Variants in AGBL4 observed in about 807,000 individuals in gnomAD.
The protein encoded by AGBL4 is AGBL carboxypeptidase 4.
AGBL4 carries 58 observed loss-of-function variants against 66.4 expected under a neutral mutation model. The ratio of observed to expected loss-of-function variants is 0.87; its 90% confidence interval spans 0.71 to 1.09. AGBL4 has a LOEUF of 1.09. Among genes scored for constraint, AGBL4 ranks in the 50% least tolerant of loss-of-function variants. AGBL4 has a pLI of 0.00. For synonymous variants in AGBL4, 234 were observed against 222.9 expected (o/e 1.05, Z -0.44); for missense variants, 579 against 631.0 (o/e 0.92, Z 0.88).
At chr1:49,841,490 A>T (rs1352139743) in intron 2 of AGBL4, among the ~76,000 whole-genome samples, 3 of 152,176 alleles carry the variant, frequency 2.0e-5, no homozygotes, top group Non-Finnish European at 4.4e-5. Context: ...ATTAGAAAAA[A>T]ATCATAAAAT....
intron 1 of AGBL4, among the ~76,000 whole-genome samples, chr1:49,888,385 T>C (rs1488537009): frequency 1.3e-5 from 2 of 152,154 alleles, no homozygotes; most frequent in Non-Finnish European, 2.9e-5. Context: ...GTATCACATT[T>C]TAAGAAATAC....
chr1:49,982,634 G>A (rs576138687), intron 1 of AGBL4, among the ~76,000 whole-genome samples: 6 of 152,288 alleles, frequency 3.9e-5, no homozygotes, highest in South Asian at 4.1e-4. Flanking sequence ...TGCCAGTCCC[G>A]TGGACCAGAG....
At chr1:49,458,961 C>A (rs1341863112) in intron 3 of AGBL4, among the ~76,000 whole-genome samples, 1 of 151,718 alleles carries the variant, frequency 6.6e-6, no homozygotes, top group Admixed American at 6.6e-5. Flanking sequence ...ATTCAGTTAG[C>A]GAATATTTTG....
At chr1:48,742,926 G>A (rs1650141215) in intron 6 of AGBL4, among the ~76,000 whole-genome samples, 1 of 152,202 alleles carries the variant, frequency 6.6e-6, no homozygotes, top group Non-Finnish European at 1.5e-5. Flanking sequence ...CGAAAATAAT[G>A]TGAGGTATGA....
chr1:49,803,074 T>C (rs1359431088), intron 2 of AGBL4, among the ~76,000 whole-genome samples: 1 of 150,762 alleles, frequency 6.6e-6, no homozygotes, highest in African/African-American at 2.4e-5. Context: ...ATGTATTATA[T>C]ATAGCTTATG....
At chr1:48,992,228 G>T (rs1660653727) in intron 5 of AGBL4, among the ~76,000 whole-genome samples, 1 of 151,976 alleles carries the variant, frequency 6.6e-6, no homozygotes, top group Admixed American at 6.6e-5. Context: ...CCCAAAACCA[G>T]TAATTCTGTG....
At chr1:49,136,394 C>A (rs1267221038) in intron 4 of AGBL4, among the ~76,000 whole-genome samples, 2 of 152,112 alleles carry the variant, frequency 1.3e-5, no homozygotes, top group Non-Finnish European at 2.9e-5. Flanking sequence ...AAGCTGAATT[C>A]AAATATAGAC....
rs181804966 is a variant in AGBL4, at chr1:49,468,622, G to A, written c.283-222758C>T. Among the ~76,000 whole-genome samples the A allele has an allele frequency of 1.5e-3, 224 of 151,624 alleles. 1 individual carries two copies. The highest frequency in any genetic ancestry group is 2.6e-3 in the Non-Finnish European group (178 of 67,816). On this transcript the variant is annotated intron_variant, in intron 3 of 13. Coordinates refer to ENST00000371839, the MANE Select transcript of AGBL4 (RefSeq NM_032785.4). The stretch of plus-strand genomic sequence containing the variant: ...TCATGTCAAATTTTCTTTGCCGTTC[G>A]TTTAGTTTTCTTCACTATTTTCAAA...
At chr1:49,183,292 A>G (rs1175667939) in intron 4 of AGBL4, among the ~76,000 whole-genome samples, 1 of 152,188 alleles carries the variant, frequency 6.6e-6, no homozygotes, top group Admixed American at 6.5e-5. Context: ...TGCACTAATC[A>G]GAATCAGAAA....
At chr1:49,548,642 G>T (rs1248185459) in intron 3 of AGBL4, among the ~76,000 whole-genome samples, 1 of 152,134 alleles carries the variant, frequency 6.6e-6, no homozygotes, top group Non-Finnish European at 1.5e-5. Context: ...GATCATGGTG[G>T]ATTATCTTTT....
At chr1:48,727,950 A>AT in intron 6 of AGBL4, 1 of 1,611,516 alleles carries the variant, frequency 6.2e-7, no homozygotes, top group Non-Finnish European at 8.5e-7. Flanking sequence ...GATATCCATG[A>AT]TTTTTTCACA....
chr1:48,991,369 T>C (rs572667404), intron 5 of AGBL4, among the ~76,000 whole-genome samples: 28 of 150,538 alleles, frequency 1.9e-4, no homozygotes, highest in Non-Finnish European at 3.7e-4. Flanking sequence ...TGGAGTTCCA[T>C]TGTGTTTGTT....
intron 4 of AGBL4, among the ~76,000 whole-genome samples, chr1:49,150,264 A>G (rs1400609205): frequency 2.0e-5 from 3 of 152,074 alleles, no homozygotes; most frequent in Admixed American, 2.0e-4. Flanking sequence ...CTCCCTTACA[A>G]CTGAAGGGTC....
At chr1:49,282,071 A>G (rs1644284608) in intron 3 of AGBL4, among the ~76,000 whole-genome samples, 1 of 152,262 alleles carries the variant, frequency 6.6e-6, no homozygotes, top group East Asian at 1.9e-4. Context: ...GACTATCTCC[A>G]GGTAGATAGT....
At chr1:48,580,166 A>G (rs958911585) in intron 11 of AGBL4, among the ~76,000 whole-genome samples, 1 of 152,178 alleles carries the variant, frequency 6.6e-6, no homozygotes, top group Non-Finnish European at 1.5e-5. Flanking sequence ...GGGGTAAACC[A>G]TCAGATCACC....
At chr1:49,631,071 T>C (rs1298434722) in intron 3 of AGBL4, among the ~76,000 whole-genome samples, 1 of 152,086 alleles carries the variant, frequency 6.6e-6, no homozygotes, top group African/African-American at 2.4e-5. Flanking sequence ...TTACAAGAGA[T>C]GGGTGGACTA....
intron 3 of AGBL4, among the ~76,000 whole-genome samples, chr1:49,341,709 C>T (rs1645542610): frequency 6.6e-6 from 1 of 152,182 alleles, no homozygotes; most frequent in South Asian, 2.1e-4. Flanking sequence ...AACTTTTTCT[C>T]TCCCAAAGGG....
chr1:49,215,427 T>A (rs374704064), intron 4 of AGBL4, among the ~76,000 whole-genome samples: 2 of 152,250 alleles, frequency 1.3e-5, no homozygotes, highest in South Asian at 4.1e-4. Flanking sequence ...AAACAGCCTC[T>A]GTTTTTTTGC....
intron 1 of AGBL4, among the ~76,000 whole-genome samples, chr1:49,880,156 C>G (rs1647173768): frequency 6.6e-6 from 1 of 152,022 alleles, no homozygotes; most frequent in African/African-American, 2.4e-5. Context: ...CTTCCTCTCT[C>G]AGCTCGTCAA....
Sources: allele counts gnomAD v4.1 joint callset (sites outside exome capture counted in the v4.1 genomes callset), GRCh38; gene constraint gnomAD v4.1.1; transcripts MANE v1.5; gene names NCBI Gene and HGNC (gene_info 2026-07-23, HGNC 2026-07-21).